RHPN2: variants seen among roughly 807,000 people sequenced by gnomAD.
The protein encoded by RHPN2 is rhophilin-2.
A neutral mutation model predicts 79.0 loss-of-function variants in RHPN2; 40 were observed. That is an observed-to-expected ratio of 0.51 (90% CI 0.39 to 0.66). RHPN2 has a LOEUF of 0.66. Ranked by LOEUF, RHPN2 falls within the 30% of genes least tolerant of loss-of-function variation. The pLI is 0.00. For missense variants in RHPN2, 686 were observed against 883.5 expected, an observed-to-expected ratio of 0.78 and a Z score of 2.83; for synonymous variants, 285 against 363.5, an observed-to-expected ratio of 0.78 and a Z score of 2.46.
intron 10 of RHPN2, among the ~76,000 whole-genome samples, chr19:32,998,241 C>T (rs779149037): frequency 2.0e-5 from 3 of 152,178 alleles, no homozygotes; most frequent in Non-Finnish European, 4.4e-5. Context: ...TAAATAAGCA[C>T]TGTACACATG....
At chr19:33,029,032 C>T (rs1412942179) in intron 2 of RHPN2, among the ~76,000 whole-genome samples, 3 of 152,026 alleles carry the variant, frequency 2.0e-5, no homozygotes, top group African/African-American at 4.8e-5. Flanking sequence ...CCCAGCTACT[C>T]GGGAGCCTGA....
chr19:33,046,011 T>C (rs1288761475), intron 1 of RHPN2, among the ~76,000 whole-genome samples: 2 of 152,230 alleles, frequency 1.3e-5, no homozygotes, highest in East Asian at 3.8e-4. Context: ...ATCCAGGTTG[T>C]AGCATGTATC....
At chr19:33,027,105 C>T (rs1269086533) in intron 2 of RHPN2, 13 of 261,038 alleles carry the variant, frequency 5.0e-5, no homozygotes, top group African/African-American at 2.6e-4. Flanking sequence ...CTAAAAAATA[C>T]AAAAACTAGC....
At chr19:33,000,625 G>T (rs1599812412) in intron 9 of RHPN2, among the ~76,000 whole-genome samples, 1 of 151,976 alleles carries the variant, frequency 6.6e-6, no homozygotes, top group Non-Finnish European at 1.5e-5. Flanking sequence ...ACCCCTCTGC[G>T]GGCCTGCACA....
chr19:33,016,218 T>C (rs1186975722), intron 4 of RHPN2, among the ~76,000 whole-genome samples: 1 of 152,150 alleles, frequency 6.6e-6, no homozygotes, highest in East Asian at 1.9e-4. Context: ...GAAATTTTTT[T>C]TTTTTTTAAA....
intron 6 of RHPN2, among the ~76,000 whole-genome samples, chr19:33,009,273 G>A (rs888929449): frequency 1.3e-5 from 2 of 150,754 alleles, no homozygotes; most frequent in Admixed American, 6.6e-5. Context: ...ATAATGATGT[G>A]TCAGGTAAGT....
intron 4 of RHPN2, among the ~76,000 whole-genome samples, chr19:33,016,464 T>C (rs559668940): frequency 6.6e-6 from 1 of 152,276 alleles, no homozygotes; most frequent in East Asian, 1.9e-4. Flanking sequence ...GTGGATCACT[T>C]GAGGTCAGGA....
chr19:32,993,743 G>A (rs1971678771), intron 12 of RHPN2, among the ~76,000 whole-genome samples: 1 of 152,114 alleles, frequency 6.6e-6, no homozygotes. Context: ...TGAGGACACA[G>A]GTAGAAGGCC....
At chr19:33,018,760 G>T (rs1268737280) in intron 4 of RHPN2, among the ~76,000 whole-genome samples, 1 of 152,120 alleles carries the variant, frequency 6.6e-6, no homozygotes. Flanking sequence ...AAAAGTAGTA[G>T]TTGGCCGGGA....
rs1599812047 is a variant in RHPN2, at chr19:32,999,810, C to T, written c.1106-105G>A. On this transcript the variant is annotated intron_variant, in intron 9 of 14. Coordinates refer to ENST00000254260, the MANE Select transcript of RHPN2 (RefSeq NM_033103.5). ...CAGCTTCCTTTTTTCTGCAGTTTCA[C>T]AAGGCATTTGGGATCATGGGTCTCC... 3 of 1,472,300 alleles carry T rather than the reference C, an allele frequency of 2.0e-6. No individual in the cohort carries two copies. The East Asian group carries it at 7.7e-5, about 38-fold the overall frequency. The allele number at this position is 1,472,300 out of a possible 1,614,324, so 91.2% of individuals were successfully genotyped here. A position where few individuals can be genotyped will look rare whatever the true frequency, so the allele number is the denominator to read the frequency against.
chr19:32,995,807 C>T (rs10408809), intron 11 of RHPN2, among the ~76,000 whole-genome samples: 27,346 of 152,002 alleles, frequency 0.18, 2,666 homozygotes, highest in Non-Finnish European at 0.21. Flanking sequence ...TGCAGTGAGC[C>T]GAGATCACGC....
chr19:33,064,544 G>C lies in RHPN2; in HGVS notation c.69+240C>G, dbSNP rs1191472615. On this transcript the variant is annotated intron_variant, in intron 1 of 14. Transcript: ENST00000254260. ...CCTCCGCCCGCACCTGCGCGGAGCG[G>C]CCACATGCGCCTCCCCTACTCCCCG... Among the ~76,000 whole-genome samples, 403 of 152,224 alleles carry C rather than the reference G, an allele frequency of 2.6e-3. 1 individual carries two copies. Among genetic ancestry groups the C allele is most frequent in the African/African-American group, 9.1e-3 (380 of 41,566 alleles).
At chr19:33,044,532 A>G (rs1972126710) in intron 1 of RHPN2, among the ~76,000 whole-genome samples, 168 bp from the exon 2 acceptor site, 1 of 152,204 alleles carries the variant, frequency 6.6e-6, no homozygotes, top group Admixed American at 6.5e-5. Context: ...TAACAACACA[A>G]TTGCAAAACA....
intron 1 of RHPN2, among the ~76,000 whole-genome samples, chr19:33,061,684 A>G (rs972031463): frequency 1.3e-5 from 2 of 151,964 alleles, no homozygotes; most frequent in Non-Finnish European, 2.9e-5. Context: ...GGGTTTCACC[A>G]TGTAGGCCAG....
chr19:33,002,493 T>A, intron 8 of RHPN2, 90 bp from the exon 9 acceptor site: 1 of 1,511,508 alleles, frequency 6.6e-7, no homozygotes, highest in East Asian at 2.3e-5. Flanking sequence ...CTTCTTCCCA[T>A]GCAACAGCCC....
chr19:33,034,054 AAAC>A (rs1972034479), intron 2 of RHPN2, among the ~76,000 whole-genome samples: 1 of 128,990 alleles, frequency 7.8e-6, no homozygotes, highest in Admixed American at 7.4e-5. Flanking sequence ...TCAGGGGTCT[AAAC>A]ATATTGCCCA....
chr19:32,982,188 A>G (rs1422223061), intron 14 of RHPN2, among the ~76,000 whole-genome samples: 1 of 152,082 alleles, frequency 6.6e-6, no homozygotes, highest in Admixed American at 6.6e-5. Flanking sequence ...TGGGCAGATC[A>G]CTTGAGGCCA....
At chr19:33,030,150 C>T (rs1161354356) in intron 2 of RHPN2, among the ~76,000 whole-genome samples, 3 of 152,158 alleles carry the variant, frequency 2.0e-5, no homozygotes, top group Non-Finnish European at 4.4e-5. Context: ...GCCCTCACCA[C>T]GTGTGACAAC....
At chr19:33,016,419 G>T (rs1002681809) in intron 4 of RHPN2, among the ~76,000 whole-genome samples, 1 of 152,096 alleles carries the variant, frequency 6.6e-6, no homozygotes. Flanking sequence ...TGTGGCTCAC[G>T]CCTGTAATCC....
Sources: allele counts gnomAD v4.1 joint callset (sites outside exome capture counted in the v4.1 genomes callset), GRCh38; gene constraint gnomAD v4.1.1; transcripts MANE v1.5; gene names NCBI Gene and HGNC (gene_info 2026-07-23, HGNC 2026-07-21).